Variants in NFIL3 observed in about 807,000 individuals in gnomAD.
NFIL3 encodes the protein nuclear factor interleukin-3-regulated protein.
NFIL3 carries 5 observed loss-of-function variants against 10.0 expected under a neutral mutation model. The ratio of observed to expected loss-of-function variants is 0.50; its 90% CI spans 0.26 to 1.06. The LOEUF (loss-of-function observed/expected upper bound fraction) is 1.06, where lower values mean the gene tolerates loss of function less well. Ranked by LOEUF, NFIL3 falls within the 50% of genes least tolerant of loss-of-function variation. The pLI, the probability that NFIL3 is intolerant of heterozygous loss-of-function variation, is 0.13. For missense variants in NFIL3, 436 were observed against 547.6 expected, an observed-to-expected ratio of 0.80 and a Z score of 2.03; for synonymous variants, 202 against 206.5, an observed-to-expected ratio of 0.98 and a Z score of 0.19.
At chr9:91,411,680 T>A (rs1833551608) in intron 1 of NFIL3, among the ~76,000 whole-genome samples, 1 of 152,204 alleles carries the variant, frequency 6.6e-6, no homozygotes, top group Non-Finnish European at 1.5e-5. Context: ...TTAGAATTTT[T>A]TTTTCTGATT....
At chr9:91,474,788 C>T in the NFIL3 span, among the ~76,000 whole-genome samples, 1 of 152,166 alleles carries the variant, frequency 6.6e-6, no homozygotes, top group Non-Finnish European at 1.5e-5. Flanking sequence ...TTAATCTGTC[C>T]TTGTCATTCA....
intron 1 of NFIL3, among the ~76,000 whole-genome samples, chr9:91,412,218 T>C (rs985685086): frequency 9.9e-5 from 15 of 151,394 alleles, no homozygotes; most frequent in Non-Finnish European, 1.6e-4. Flanking sequence ...CAAGAGAATA[T>C]AGTTACAGAA....
At chr9:91,447,056 T>C in the NFIL3 span, among the ~76,000 whole-genome samples, 1 of 152,198 alleles carries the variant, frequency 6.6e-6, no homozygotes, top group East Asian at 1.9e-4. Context: ...CCTCAGGTTA[T>C]CTGCTTGCCT....
chr9:91,455,730 G>A, the NFIL3 span, among the ~76,000 whole-genome samples: 1 of 152,098 alleles, frequency 6.6e-6, no homozygotes, highest in East Asian at 1.9e-4. Context: ...CATACTTATA[G>A]ACCTGTGACA....
At chr9:91,456,712 C>A in the NFIL3 span, among the ~76,000 whole-genome samples, 1 of 152,078 alleles carries the variant, frequency 6.6e-6, no homozygotes, top group Non-Finnish European at 1.5e-5. Flanking sequence ...AAGTCTAATT[C>A]ATTAACTTTT....
chr9:91,410,884 T>C lies in NFIL3; in HGVS notation c.-150A>G. 1 of 772,950 alleles carries C rather than the reference T, an allele frequency of 1.3e-6. No individual in the cohort carries two copies. Among genetic ancestry groups the C allele is most frequent in the Non-Finnish European group, 2.0e-6 (1 of 505,258 alleles). The allele number at this position is 772,950 out of a possible 1,614,324, so 47.9% of individuals were successfully genotyped here. ...TAAATCCGTCAGGCTCCTTATTGAATGAAGTTGGGCCTCCTTCGTTATCTG... is the reference window on the plus strand; with the variant it reads ...TAAATCCGTCAGGCTCCTTATTGAACGAAGTTGGGCCTCCTTCGTTATCTG... On this transcript the variant is annotated 5_prime_UTR_variant, in exon 2 of 2. Transcript: ENST00000297689. The surrounding 1 kb of genome is among the most constrained non-coding windows in gnomAD (Gnocchi z 5.7).
the NFIL3 span, among the ~76,000 whole-genome samples, chr9:91,447,761 A>AT: frequency 5.9e-5 from 9 of 152,214 alleles, no homozygotes; most frequent in African/African-American, 2.2e-4. Flanking sequence ...ACTTGCAAAT[A>AT]TTCTTTTTAC....
chr9:91,419,972 C>A (rs1314341704), intron 1 of NFIL3, among the ~76,000 whole-genome samples: 2 of 152,196 alleles, frequency 1.3e-5, no homozygotes, highest in African/African-American at 4.8e-5. Flanking sequence ...CACTGCTGAT[C>A]TCAGACCACA....
At chr9:91,419,872 G>T (rs982378461) in intron 1 of NFIL3, among the ~76,000 whole-genome samples, 3 of 152,176 alleles carry the variant, frequency 2.0e-5, no homozygotes, top group Non-Finnish European at 4.4e-5. Flanking sequence ...GGTCAAAAGG[G>T]TCAAATATCA....
chr9:91,471,421 G>C, the NFIL3 span, among the ~76,000 whole-genome samples: 1 of 149,074 alleles, frequency 6.7e-6, no homozygotes, highest in East Asian at 2.0e-4. Flanking sequence ...CTGCACATGA[G>C]ATGGGTCTCC....
chr9:91,475,495 A>T, the NFIL3 span, among the ~76,000 whole-genome samples: 1 of 152,368 alleles, frequency 6.6e-6, no homozygotes, highest in Non-Finnish European at 1.5e-5. Flanking sequence ...AACCTACAAG[A>T]TGTGGCCAAA....
chr9:91,458,742 A>C, the NFIL3 span, among the ~76,000 whole-genome samples: 1 of 152,170 alleles, frequency 6.6e-6, no homozygotes, highest in African/African-American at 2.4e-5. Flanking sequence ...TATCAAAGTC[A>C]TTAGAAAGTA....
At chr9:91,440,900 T>A in the NFIL3 span, among the ~76,000 whole-genome samples, 1 of 152,182 alleles carries the variant, frequency 6.6e-6, no homozygotes, top group African/African-American at 2.4e-5. Flanking sequence ...TAAAATTTGT[T>A]AAGGGTTGTT....
rs1833539125 is a variant in NFIL3 at position 91,411,091 on chromosome 9, A to C, written c.-172-185T>G. On this transcript the variant is annotated intron_variant, in intron 1 of 1. Coordinates refer to ENST00000297689, the MANE Select transcript of NFIL3 (RefSeq NM_005384.3). ...TAAGTTCCCAAATACCTAAACTATA[A>C]AGCTGTAAAGGACAAATCCCTAATG... 2.0e-5 allele frequency among the ~76,000 whole-genome samples: 3 copies of C among 152,236 alleles called. No individual in the cohort carries two copies. In the South Asian group the frequency reaches 6.2e-4, roughly 31 times the overall value.
At chr9:91,440,154 AT>A in the NFIL3 span, among the ~76,000 whole-genome samples, 1 of 151,954 alleles carries the variant, frequency 6.6e-6, no homozygotes. Context: ...TGGGCTCTTA[AT>A]TTGGGGGAGG....
At chr9:91,474,818 G>C in the NFIL3 span, among the ~76,000 whole-genome samples, 4 of 152,318 alleles carry the variant, frequency 2.6e-5, no homozygotes, top group Admixed American at 1.3e-4. Context: ...ATGGGCAATA[G>C]GGAAACAAAC....
chr9:91,440,141 T>A, the NFIL3 span, among the ~76,000 whole-genome samples: 1 of 152,134 alleles, frequency 6.6e-6, no homozygotes, highest in Non-Finnish European at 1.5e-5. Flanking sequence ...AGGCATCTGG[T>A]CTTGGGCTCT....
chr9:91,456,309 A>G, the NFIL3 span, among the ~76,000 whole-genome samples: 1 of 152,152 alleles, frequency 6.6e-6, no homozygotes, highest in Non-Finnish European at 1.5e-5. Context: ...CTTGCCAAAC[A>G]GCTTTCCAGG....
At chr9:91,450,315 C>T in the NFIL3 span, among the ~76,000 whole-genome samples, 1 of 152,048 alleles carries the variant, frequency 6.6e-6, no homozygotes, top group Non-Finnish European at 1.5e-5. Context: ...GTGAGATCTT[C>T]CTTCTTTTTA....
Sources: gnomAD v4.1 joint callset for allele counts (sites outside exome capture counted in the v4.1 genomes callset) on GRCh38, gnomAD v4.1.1 for gene constraint, Gnocchi (gnomAD v3.1) non-coding constraint, MANE v1.5 for transcripts, NCBI Gene and HGNC (gene_info 2026-07-23, HGNC 2026-07-21) for gene names.